The following DLGAP2 variants were observed in gnomAD, a reference collection of about 807,000 sequenced individuals.
DLGAP2 encodes the protein disks large-associated protein 2.
A neutral mutation model predicts 100.3 loss-of-function variants in DLGAP2; 26 were observed. That is an observed-to-expected ratio of 0.26 (90% confidence interval 0.19 to 0.36). The LOEUF (loss-of-function observed/expected upper bound fraction) is 0.36, where lower values mean the gene tolerates loss of function less well. Among genes scored for constraint, DLGAP2 ranks in the 10% least tolerant of loss-of-function variants. The probability of loss-of-function intolerance (pLI) is 1.00; values close to 1 mark genes in which losing one functional copy is unlikely to be tolerated. For synonymous variants in DLGAP2, 886 were observed against 630.1 expected, an observed-to-expected ratio of 1.41 and a Z score of -6.08; for missense variants, 1,858 against 1,453.2, an observed-to-expected ratio of 1.28 and a Z score of -4.53.
chr8:980,373 G>C (rs981984165), intron 2 of DLGAP2, among the ~76,000 whole-genome samples: 1 of 152,198 alleles, frequency 6.6e-6, no homozygotes. Context: ...CAAAAGCTCA[G>C]CAGTGCGTAG....
intron 3 of DLGAP2, among the ~76,000 whole-genome samples, chr8:1,287,158 G>GCA (rs1799941350): frequency 1.3e-5 from 1 of 75,046 alleles, no homozygotes; most frequent in Non-Finnish European, 3.1e-5. Context: ...GTGTGTGTGT[G>GCA]CGCGCGCGCG....
chr8:1,472,065 C>A (rs919858594), intron 3 of DLGAP2, among the ~76,000 whole-genome samples: 1 of 152,246 alleles, frequency 6.6e-6, no homozygotes, highest in African/African-American at 2.4e-5. Flanking sequence ...CTCATAGCAG[C>A]CACGATTGAG....
chr8:998,419 G>C (rs1800849443), intron 2 of DLGAP2, among the ~76,000 whole-genome samples: 1 of 151,890 alleles, frequency 6.6e-6, no homozygotes, highest in African/African-American at 2.4e-5. Flanking sequence ...TCCCACCTCT[G>C]CCTCCTTCAT....
chr8:1,242,047 A>G (rs1249934780), intron 2 of DLGAP2, among the ~76,000 whole-genome samples: 2 of 152,224 alleles, frequency 1.3e-5, no homozygotes, highest in Non-Finnish European at 2.9e-5. Flanking sequence ...ATTGGCGTAT[A>G]TTCCAGTATA....
Position 1,434,891 on chromosome 8 carries a change from T to C in DLGAP2, c.107-66475T>C, listed in dbSNP as rs1031842475. The stretch of plus-strand genomic sequence containing the variant: ...CCCTCCTCCATGGTATCATCATCCT[T>C]CTTATCACTGGGCTTTGATGCAGGA... On this transcript the variant is annotated intron_variant, in intron 3 of 14. Coordinates refer to ENST00000637795, the MANE Select transcript of DLGAP2 (RefSeq NM_001346810.2). 5.3e-5 allele frequency among the ~76,000 whole-genome samples: 8 copies of C among 152,248 alleles called. No individual in the cohort carries two copies. In the South Asian group the frequency reaches 1.7e-3, roughly 32 times the overall value.
At chr8:1,144,947 C>A (rs1464925588) in intron 2 of DLGAP2, among the ~76,000 whole-genome samples, 1 of 113,486 alleles carries the variant, frequency 8.8e-6, no homozygotes, top group African/African-American at 2.8e-5. Flanking sequence ...ACGGCCTGTA[C>A]CCACAGTCAG....
intron 5 of DLGAP2, among the ~76,000 whole-genome samples, chr8:1,563,456 GTGGTGTTGGGGTGT>G (rs1336984417): frequency 8.8e-6 from 1 of 113,740 alleles, no homozygotes; most frequent in African/African-American, 3.3e-5. Context: ...GGGGGACTGT[GTGGTGTTGGGGTGT>G]CCGCGCCTCG....
chr8:1,505,315 G>T (rs531218977), intron 4 of DLGAP2, among the ~76,000 whole-genome samples: 1 of 152,104 alleles, frequency 6.6e-6, no homozygotes, highest in African/African-American at 2.4e-5. Flanking sequence ...ACATTTTACA[G>T]CACAGTATAG....
chr8:1,571,591 T>C (rs75834179), intron 6 of DLGAP2, among the ~76,000 whole-genome samples: 2,227 of 79,680 alleles, frequency 0.028, 83 homozygotes, highest in African/African-American at 0.093. Context: ...AGGGGTGAAC[T>C]GGAGGGGCAT....
intron 13 of DLGAP2, among the ~76,000 whole-genome samples, chr8:1,692,600 G>C (rs1195956495): frequency 6.6e-6 from 1 of 152,096 alleles, no homozygotes; most frequent in Non-Finnish European, 1.5e-5. Context: ...TAGAAGAGGA[G>C]AAACAAGGGA....
chr8:783,414 G>A (rs1346788154), intron 1 of DLGAP2, among the ~76,000 whole-genome samples: 4 of 152,250 alleles, frequency 2.6e-5, no homozygotes, highest in South Asian at 4.1e-4. Context: ...TACATACACG[G>A]GAAAGTATCA....
intron 6 of DLGAP2, among the ~76,000 whole-genome samples, chr8:1,610,392 T>C (rs1217292427): frequency 2.7e-5 from 4 of 150,608 alleles, no homozygotes; most frequent in Admixed American, 1.3e-4. Flanking sequence ...CAAAGCAGTG[T>C]GTAGAGGGAA....
intron 12 of DLGAP2, among the ~76,000 whole-genome samples, chr8:1,683,888 G>GTATATATA (rs1563061173): frequency 2.8e-5 from 3 of 108,726 alleles, no homozygotes; most frequent in African/African-American, 4.0e-5. Flanking sequence ...GTGTGTGTGT[G>GTATATATA]TGTGTGTGTA....
chr8:1,022,137 C>A (rs1801640864), intron 2 of DLGAP2, among the ~76,000 whole-genome samples: 2 of 152,160 alleles, frequency 1.3e-5, no homozygotes, highest in Admixed American at 6.5e-5. Context: ...CATGTCCGAG[C>A]CACACACCCA....
intron 4 of DLGAP2, among the ~76,000 whole-genome samples, chr8:1,503,970 G>C (rs139732429): frequency 6.6e-6 from 1 of 152,136 alleles, no homozygotes; most frequent in Admixed American, 6.5e-5. Flanking sequence ...GCAGGCACAC[G>C]GTGACCTGGA....
chr8:857,748 C>T (rs571888632), intron 1 of DLGAP2, among the ~76,000 whole-genome samples: 38 of 152,298 alleles, frequency 2.5e-4, no homozygotes, highest in African/African-American at 8.7e-4. Flanking sequence ...ATGGTGCAGC[C>T]ACACTGAAGA....
At chr8:1,045,600 G>A (rs1293232272) in intron 2 of DLGAP2, among the ~76,000 whole-genome samples, 1 of 152,072 alleles carries the variant, frequency 6.6e-6, no homozygotes, top group Non-Finnish European at 1.5e-5. Context: ...TACTCCTCCC[G>A]TCTCATTGGC....
At chr8:1,190,887 G>T (rs535313629) in intron 2 of DLGAP2, among the ~76,000 whole-genome samples, 2 of 152,286 alleles carry the variant, frequency 1.3e-5, no homozygotes, top group Admixed American at 6.5e-5. Flanking sequence ...TGGCCGTTCA[G>T]TGCACGGGGC....
At chr8:969,781 A>G (rs1366664199) in intron 2 of DLGAP2, among the ~76,000 whole-genome samples, 1 of 152,188 alleles carries the variant, frequency 6.6e-6, no homozygotes, top group Non-Finnish European at 1.5e-5. Flanking sequence ...AGTGGGAATC[A>G]GCAGATATTT....
Sources: allele counts gnomAD v4.1 joint callset (sites outside exome capture counted in the v4.1 genomes callset), GRCh38; gene constraint gnomAD v4.1.1; transcripts MANE v1.5; gene names NCBI Gene and HGNC (gene_info 2026-07-23, HGNC 2026-07-21).